ABHD2: variants seen among roughly 807,000 people sequenced by gnomAD.
ABHD2 encodes the protein monoacylglycerol lipase ABHD2.
In ABHD2, 20 loss-of-function variants were observed where a neutral mutation model predicts 48.1. That is an observed-to-expected ratio of 0.42 (90% CI 0.29 to 0.60). ABHD2 has a LOEUF of 0.60. Among genes scored for constraint, ABHD2 ranks in the 20% least tolerant of loss-of-function variants. The pLI is 0.24. For missense variants in ABHD2, 405 were observed against 550.9 expected (o/e 0.74, Z 2.65); for synonymous variants, 209 against 214.2 (o/e 0.98, Z 0.21).
chr15:89,054,810 C>T, the ABHD2 span, among the ~76,000 whole-genome samples: 4 of 152,056 alleles, frequency 2.6e-5, no homozygotes, highest in African/African-American at 9.7e-5. Flanking sequence ...TAGGGTAATA[C>T]TATATGTACT....
At chr15:89,078,439 T>C in the ABHD2 span, among the ~76,000 whole-genome samples, 1 of 152,226 alleles carries the variant, frequency 6.6e-6, no homozygotes. Flanking sequence ...AAAACTGCCT[T>C]CCTTTTGCTC....
chr15:89,107,961 C>T (rs534886668), intron 1 of ABHD2, among the ~76,000 whole-genome samples: 2 of 152,170 alleles, frequency 1.3e-5, no homozygotes. Context: ...AGCTGAATCA[C>T]AGAGGCAAAG....
chr15:89,050,370 T>C, the ABHD2 span, among the ~76,000 whole-genome samples: 600 of 152,214 alleles, frequency 3.9e-3, 2 homozygotes, highest in African/African-American at 0.014. Context: ...AATGAAGAAA[T>C]GCTTTGCACA....
rs2051463321 is a variant in ABHD2, at chr15:89,201,329, C to T, written c.*5906C>T. On this transcript the variant is annotated 3_prime_UTR_variant, in exon 11 of 11. Transcript: ENST00000352732. Reference sequence around the variant, plus strand: ...TGTTTCAGTATCATGAAGTGAAGCACTGTGTGGTTGTGGCGTGGGCCCGTC... The same window carrying T: ...TGTTTCAGTATCATGAAGTGAAGCATTGTGTGGTTGTGGCGTGGGCCCGTC... 2 of 1,054,936 alleles carry T rather than the reference C, an allele frequency of 1.9e-6. No homozygotes were observed. The highest frequency in any genetic ancestry group is 2.0e-5 in the Admixed American group (1 of 50,442). 65.3% of individuals were successfully genotyped at this position (1,054,936 alleles called of 1,614,324 possible).
intron 1 of ABHD2, among the ~76,000 whole-genome samples, chr15:89,113,291 A>G (rs184987084): frequency 6.6e-6 from 1 of 152,022 alleles, no homozygotes; most frequent in Non-Finnish European, 1.5e-5. Flanking sequence ...CTCAGCTCAT[A>G]TTTTTTTCTG....
intron 5 of ABHD2, among the ~76,000 whole-genome samples, chr15:89,162,591 T>C (rs2050778748): frequency 6.6e-6 from 1 of 152,064 alleles, no homozygotes; most frequent in African/African-American, 2.4e-5. Flanking sequence ...TGGAAGGCCC[T>C]TCTGTGGTCT....
chr15:89,048,198 C>A, the ABHD2 span, among the ~76,000 whole-genome samples: 4 of 151,046 alleles, frequency 2.6e-5, no homozygotes, highest in African/African-American at 4.9e-5. Flanking sequence ...GTTGAAAATT[C>A]TTTTCTTTAA....
intron 5 of ABHD2, among the ~76,000 whole-genome samples, chr15:89,163,363 G>A (rs2050790848): frequency 6.6e-6 from 1 of 152,234 alleles, no homozygotes; most frequent in Admixed American, 6.5e-5. Flanking sequence ...CCTTCGTGCT[G>A]CCTTTGAAAG....
At chr15:89,124,450 C>T (rs1233106399) in intron 3 of ABHD2, among the ~76,000 whole-genome samples, 1 of 152,208 alleles carries the variant, frequency 6.6e-6, no homozygotes, top group Non-Finnish European at 1.5e-5. Context: ...CTGGAACCAG[C>T]ACAGCTTATT....
chr15:89,137,151 ACT>A lies in ABHD2; in HGVS notation c.195-14523_195-14522del, dbSNP rs1467641706. Among the ~76,000 whole-genome samples the A allele has an allele frequency of 6.6e-6, 1 of 152,120 alleles. No homozygotes were observed. Among genetic ancestry groups the A allele is most frequent in the East Asian group, 1.9e-4 (1 of 5,176 alleles). ...TTCCAGTGGAACCCTGGAGACTGGA[ACT>A]CTGGAGCTTCTTAATAAACTGCCTC... On this transcript the variant is annotated intron_variant, in intron 3 of 10. Transcript: ENST00000352732. The surrounding 1 kb of genome is among the most constrained non-coding windows in gnomAD (Gnocchi z 4.8).
intron 4 of ABHD2, among the ~76,000 whole-genome samples, chr15:89,152,139 G>A (rs984055757): frequency 1.3e-5 from 2 of 151,034 alleles, no homozygotes; most frequent in African/African-American, 2.4e-5. Context: ...GCGGTGGCAC[G>A]ATCTCGGCTC....
At chr15:89,144,185 G>C (rs1440746931) in intron 3 of ABHD2, among the ~76,000 whole-genome samples, 1 of 152,040 alleles carries the variant, frequency 6.6e-6, no homozygotes, top group African/African-American at 2.4e-5. Context: ...CCAGGCTTTA[G>C]TGTAGTGGCA....
rs888639998 is a variant in ABHD2, at chr15:89,200,899, T to A, written c.*5476T>A. On this transcript the variant is annotated 3_prime_UTR_variant, in exon 11 of 11. Transcript: ENST00000352732. The stretch of plus-strand genomic sequence containing the variant: ...GAGTTCAAGACCAGCCTGGCCAACA[T>A]GGTGAAACCCCTTCTCTACTAAAAA... 5.0e-6 allele frequency: 2 copies of A among 398,172 alleles called. No homozygotes were observed. The highest frequency in any genetic ancestry group is 4.2e-5 in the African/African-American group (2 of 47,482). 24.7% of individuals were successfully genotyped at this position (398,172 alleles called of 1,614,324 possible). A position where few individuals can be genotyped will look rare whatever the true frequency, so the allele number is the denominator to read the frequency against.
At chr15:89,115,044 G>T (rs2049933342) in intron 2 of ABHD2, among the ~76,000 whole-genome samples, 1 of 152,182 alleles carries the variant, frequency 6.6e-6, no homozygotes. Context: ...ACTTACTGTA[G>T]GTCTTAGGAA....
At chr15:89,147,755 G>A (rs2050519040) in intron 3 of ABHD2, among the ~76,000 whole-genome samples, 1 of 151,732 alleles carries the variant, frequency 6.6e-6, no homozygotes, top group East Asian at 1.9e-4. Context: ...AACCATAAAA[G>A]ATACTTTTAA....
At chr15:89,140,765 C>T (rs532491484) in intron 3 of ABHD2, among the ~76,000 whole-genome samples, 3 of 152,252 alleles carry the variant, frequency 2.0e-5, no homozygotes, top group Non-Finnish European at 4.4e-5. Flanking sequence ...TGTATCTTCA[C>T]GTTTAAAGAT....
chr15:89,136,815 T>C (rs1194873871), intron 3 of ABHD2, among the ~76,000 whole-genome samples: 1 of 152,256 alleles, frequency 6.6e-6, no homozygotes, highest in African/African-American at 2.4e-5. Flanking sequence ...CCCATAACGC[T>C]GGCACAGATT....
the ABHD2 span, among the ~76,000 whole-genome samples, chr15:89,059,018 A>C: frequency 2.0e-5 from 3 of 152,216 alleles, no homozygotes; most frequent in African/African-American, 4.8e-5. Flanking sequence ...GCCTGAAATG[A>C]AAAATTCATG....
rs1294039241 is a variant in ABHD2 at position 89,102,311 on chromosome 15, G to A, written c.-106-11414G>A. 1 of 152,154 alleles carries A rather than the reference G, an allele frequency of 6.6e-6. No homozygotes were observed. The highest frequency in any genetic ancestry group is 1.5e-5 in the Non-Finnish European group (1 of 68,048). 9.4% of individuals were successfully genotyped at this position (152,154 alleles called of 1,614,324 possible). A position where few individuals can be genotyped will look rare whatever the true frequency, so the allele number is the denominator to read the frequency against. Reference sequence around the variant, plus strand: ...TTTATAGTTGGTACTTCAGAGTTTAGTACTTCATTATATACAGATTTGTTG... The same window carrying A: ...TTTATAGTTGGTACTTCAGAGTTTAATACTTCATTATATACAGATTTGTTG... On this transcript the variant is annotated intron_variant, in intron 1 of 10. Coordinates refer to ENST00000352732, the MANE Select transcript of ABHD2 (RefSeq NM_152924.5). This position sits in a 1 kb window ranked among gnomAD's most constrained non-coding sequence, Gnocchi z 4.8.
Sources: gnomAD v4.1 joint callset for allele counts (sites outside exome capture counted in the v4.1 genomes callset) on GRCh38, gnomAD v4.1.1 for gene constraint, Gnocchi (gnomAD v3.1) non-coding constraint, MANE v1.5 for transcripts, NCBI Gene and HGNC (gene_info 2026-07-23, HGNC 2026-07-21) for gene names.